DYNC1I1: variants seen among roughly 807,000 people sequenced by gnomAD.
The protein encoded by DYNC1I1 is cytoplasmic dynein 1 intermediate chain 1.
In DYNC1I1, 43 loss-of-function variants were observed where a neutral mutation model predicts 86.6. The ratio of observed to expected loss-of-function variants is 0.50; its 90% CI spans 0.39 to 0.64. The LOEUF (loss-of-function observed/expected upper bound fraction) is 0.64, where lower values mean the gene tolerates loss of function less well. DYNC1I1 is among the 30% of genes least tolerant of loss of function. DYNC1I1 has a pLI of 0.00. For synonymous variants in DYNC1I1, 262 were observed against 283.7 expected, an observed-to-expected ratio of 0.92 and a Z score of 0.77; for missense variants, 604 against 788.8, an observed-to-expected ratio of 0.77 and a Z score of 2.81.
At chr7:95,932,717 A>G (rs1326754147) in intron 6 of DYNC1I1, among the ~76,000 whole-genome samples, 5 of 152,182 alleles carry the variant, frequency 3.3e-5, no homozygotes, top group Non-Finnish European at 7.3e-5. Context: ...GTTCAAGATC[A>G]TAGTAGTAGG....
intron 6 of DYNC1I1, among the ~76,000 whole-genome samples, chr7:95,911,424 T>C (rs1163563750): frequency 6.6e-6 from 1 of 152,088 alleles, no homozygotes; most frequent in East Asian, 1.9e-4. Flanking sequence ...AGTGGTGGTA[T>C]GTACTTCTCT....
chr7:95,890,832 C>T (rs985342748), intron 6 of DYNC1I1, among the ~76,000 whole-genome samples: 3 of 152,152 alleles, frequency 2.0e-5, no homozygotes, highest in African/African-American at 7.2e-5. Context: ...AGTTTGAAAA[C>T]TGTTGGTTTA....
intron 5 of DYNC1I1, among the ~76,000 whole-genome samples, chr7:95,841,634 A>C (rs1436071203): frequency 6.6e-6 from 1 of 152,182 alleles, no homozygotes; most frequent in East Asian, 1.9e-4. Context: ...TCCTTCCAGG[A>C]AGAAGCTAAA....
intron 6 of DYNC1I1, among the ~76,000 whole-genome samples, chr7:95,926,905 T>C (rs1340644920): frequency 6.6e-6 from 1 of 152,212 alleles, no homozygotes; most frequent in Admixed American, 6.5e-5. Context: ...ATTTAATCTT[T>C]AGCAGATAGA....
intron 1 of DYNC1I1, among the ~76,000 whole-genome samples, chr7:95,795,301 T>TTTTAACTCTTCCATTTAACTCTTCCA (rs149515965): frequency 0.095 from 14,536 of 152,214 alleles, 730 homozygotes; most frequent in South Asian, 0.14. Context: ...GACATTTCCA[T>TTTTAACTCTTCCATTTAACTCTTCCA]TTTAACTCTT....
intron 6 of DYNC1I1, among the ~76,000 whole-genome samples, chr7:95,922,772 T>TGAAA (rs1194919222): frequency 4.0e-4 from 61 of 152,280 alleles, no homozygotes; most frequent in African/African-American, 1.4e-3. Context: ...AAAAAACTAC[T>TGAAA]TAAATACTTT....
intron 10 of DYNC1I1, among the ~76,000 whole-genome samples, chr7:96,014,572 A>G (rs1255353682): frequency 6.6e-6 from 1 of 152,214 alleles, no homozygotes; most frequent in African/African-American, 2.4e-5. Context: ...GCTTGATTTA[A>G]TAGAGACAGC....
intron 6 of DYNC1I1, among the ~76,000 whole-genome samples, chr7:95,934,036 T>C (rs1352867837): frequency 2.0e-5 from 3 of 152,056 alleles, no homozygotes; most frequent in African/African-American, 7.2e-5. Context: ...ATAATTGTAT[T>C]TATGTAAGTG....
At chr7:95,895,801 C>T (rs1202598831) in intron 6 of DYNC1I1, among the ~76,000 whole-genome samples, 4 of 152,100 alleles carry the variant, frequency 2.6e-5, no homozygotes, top group Admixed American at 2.6e-4. Context: ...TCCAATATCA[C>T]ACAGCAAATT....
chr7:96,065,046 T>C (rs1301359970), intron 14 of DYNC1I1, among the ~76,000 whole-genome samples: 1 of 152,162 alleles, frequency 6.6e-6, no homozygotes, highest in Non-Finnish European at 1.5e-5. Context: ...GCCTAAAATT[T>C]GGGTTAGCTT....
intron 5 of DYNC1I1, among the ~76,000 whole-genome samples, chr7:95,836,834 C>G (rs910535965): frequency 1.3e-5 from 2 of 152,086 alleles, no homozygotes; most frequent in African/African-American, 4.8e-5. Flanking sequence ...CCTTTCAGCA[C>G]TTCTCTGTAT....
At chr7:95,901,383 AT>A (rs2116310063) in intron 6 of DYNC1I1, among the ~76,000 whole-genome samples, 1 of 152,326 alleles carries the variant, frequency 6.6e-6, no homozygotes, top group Non-Finnish European at 1.5e-5. Context: ...AGAATGTATC[AT>A]TGCATCTGTT....
At chr7:95,961,038 A>G (rs1034701800) in intron 6 of DYNC1I1, among the ~76,000 whole-genome samples, 7 of 152,222 alleles carry the variant, frequency 4.6e-5, no homozygotes, top group African/African-American at 1.7e-4. Context: ...TAATGATGTC[A>G]TGCAAACAGA....
intron 10 of DYNC1I1, among the ~76,000 whole-genome samples, chr7:96,021,371 T>C (rs1794546532): frequency 6.6e-6 from 1 of 152,064 alleles, no homozygotes; most frequent in African/African-American, 2.4e-5. Context: ...TTGAAGATGA[T>C]GCTCAGGAAG....
intron 16 of DYNC1I1, among the ~76,000 whole-genome samples, chr7:96,090,855 T>C (rs1293958306): frequency 6.6e-6 from 1 of 152,204 alleles, no homozygotes; most frequent in Non-Finnish European, 1.5e-5. Context: ...CACTGTAGTA[T>C]ATTTACACCC....
intron 10 of DYNC1I1, among the ~76,000 whole-genome samples, chr7:96,022,963 G>A (rs1736769971): frequency 6.6e-6 from 1 of 152,002 alleles, no homozygotes; most frequent in South Asian, 2.1e-4. Flanking sequence ...ATGTCGTCTT[G>A]ACCAGCTTCA....
chr7:95,773,093 TC>T (rs1793747765), intron 1 of DYNC1I1, among the ~76,000 whole-genome samples: 1 of 152,152 alleles, frequency 6.6e-6, no homozygotes. Flanking sequence ...GCCTCGGTCT[TC>T]CCCGGGGGAG....
chr7:95,802,220 C>G (rs1167689412), intron 1 of DYNC1I1, among the ~76,000 whole-genome samples: 2 of 152,076 alleles, frequency 1.3e-5, no homozygotes, highest in African/African-American at 4.8e-5. Context: ...TTCCTCTTTG[C>G]CTTTTCTTCC....
At chr7:95,996,099 C>T (rs769826329) in intron 10 of DYNC1I1, 26 bp downstream of exon 10, 37 of 1,613,698 alleles carry the variant, frequency 2.3e-5, no homozygotes, top group Admixed American at 8.3e-5. Flanking sequence ...GTAAAAATAA[C>T]TTACATCTCC....
Sources: gnomAD v4.1 joint callset for allele counts (sites outside exome capture counted in the v4.1 genomes callset) on GRCh38, gnomAD v4.1.1 for gene constraint, MANE v1.5 for transcripts, NCBI Gene and HGNC (gene_info 2026-07-23, HGNC 2026-07-21) for gene names.